TMEM132C: variants seen among roughly 807,000 people sequenced by gnomAD.
TMEM132C encodes transmembrane protein 132C.
TMEM132C carries 29 observed loss-of-function variants against 61.4 expected under a neutral mutation model. The observed-to-expected ratio is 0.47, with a 90% CI of 0.35 to 0.64. The LOEUF is 0.64. TMEM132C is among the 30% of genes least tolerant of loss of function. The pLI, the probability that TMEM132C is intolerant of heterozygous loss-of-function variation, is 0.00. For synonymous variants in TMEM132C, 656 were observed against 633.1 expected (o/e 1.04, Z -0.54); for missense variants, 1,408 against 1,476.9 (o/e 0.95, Z 0.76).
intron 1 of TMEM132C, among the ~76,000 whole-genome samples, chr12:128,284,198 C>G (rs1337987403): frequency 1.3e-5 from 2 of 152,302 alleles, no homozygotes; most frequent in Admixed American, 6.5e-5. Context: ...CAAGTCTACT[C>G]TTACATATCT....
chr12:128,310,664 C>G (rs1274425485), intron 1 of TMEM132C, among the ~76,000 whole-genome samples: 1 of 152,120 alleles, frequency 6.6e-6, no homozygotes, highest in Non-Finnish European at 1.5e-5. Context: ...CACCTCCCAC[C>G]AGACCCCACC....
At chr12:128,670,964 T>G (rs1392924883) in intron 5 of TMEM132C, among the ~76,000 whole-genome samples, 1 of 152,208 alleles carries the variant, frequency 6.6e-6, no homozygotes, top group Non-Finnish European at 1.5e-5. Context: ...ATTCTAATTT[T>G]TTTTAATGGG....
intron 2 of TMEM132C, among the ~76,000 whole-genome samples, chr12:128,442,586 T>TA (rs534900599): frequency 0.031 from 4,417 of 140,732 alleles, 89 homozygotes; most frequent in Non-Finnish European, 0.042. Flanking sequence ...GTCAGTGTTT[T>TA]AAAAAAAAAA....
intron 2 of TMEM132C, among the ~76,000 whole-genome samples, chr12:128,541,630 G>T (rs969431937): frequency 6.6e-6 from 1 of 152,206 alleles, no homozygotes; most frequent in Non-Finnish European, 1.5e-5. Flanking sequence ...TTTATATCAC[G>T]TAGAGACTTT....
chr12:128,541,538 C>A (rs766410918), intron 2 of TMEM132C, among the ~76,000 whole-genome samples: 1 of 152,196 alleles, frequency 6.6e-6, no homozygotes, highest in Non-Finnish European at 1.5e-5. Flanking sequence ...CACAAGAAGA[C>A]ATCACTATTC....
At chr12:128,648,270 A>C (rs1954231005) in intron 4 of TMEM132C, among the ~76,000 whole-genome samples, 1 of 151,026 alleles carries the variant, frequency 6.6e-6, no homozygotes, top group Non-Finnish European at 1.5e-5. Context: ...GGAGTCCATC[A>C]GCGTTGGATA....
chr12:128,535,604 C>G (rs1050058928), intron 2 of TMEM132C, among the ~76,000 whole-genome samples: 2 of 152,168 alleles, frequency 1.3e-5, no homozygotes, highest in African/African-American at 4.8e-5. Flanking sequence ...TGCAGTGGCT[C>G]ACGCCTGTAA....
intron 2 of TMEM132C, among the ~76,000 whole-genome samples, chr12:128,520,236 A>G (rs1352324971): frequency 1.3e-5 from 2 of 152,168 alleles, no homozygotes; most frequent in African/African-American, 4.8e-5. Flanking sequence ...CAGTCCACGT[A>G]TCACCCCTGC....
intron 1 of TMEM132C, among the ~76,000 whole-genome samples, chr12:128,356,989 T>G (rs1362988623): frequency 1.3e-5 from 2 of 152,176 alleles, no homozygotes; most frequent in Non-Finnish European, 2.9e-5. Context: ...TCTCGCTCTC[T>G]CACACACATA....
intron 3 of TMEM132C, among the ~76,000 whole-genome samples, chr12:128,567,103 C>A (rs796137668): frequency 6.6e-6 from 1 of 152,140 alleles, no homozygotes; most frequent in Admixed American, 6.5e-5. Context: ...TAGAAAACAT[C>A]CCAACCCACT....
chr12:128,429,277 A>G (rs916359841), intron 2 of TMEM132C, among the ~76,000 whole-genome samples: 1 of 152,210 alleles, frequency 6.6e-6, no homozygotes, highest in African/African-American at 2.4e-5. Context: ...ACAATGTGCA[A>G]GACAGCCTCC....
At chr12:128,431,974 A>C (rs1422521271) in intron 2 of TMEM132C, among the ~76,000 whole-genome samples, 1 of 152,152 alleles carries the variant, frequency 6.6e-6, no homozygotes, top group Non-Finnish European at 1.5e-5. Flanking sequence ...AGGACCCTTA[A>C]GAATTATGCT....
At chr12:128,702,780 G>C (rs1954812854) in intron 8 of TMEM132C, among the ~76,000 whole-genome samples, 1 of 152,214 alleles carries the variant, frequency 6.6e-6, no homozygotes, top group Non-Finnish European at 1.5e-5. Flanking sequence ...CACAAGCTTT[G>C]CTGCTGTATC....
intron 2 of TMEM132C, among the ~76,000 whole-genome samples, chr12:128,476,682 C>G (rs895337322): frequency 6.6e-6 from 1 of 151,546 alleles, no homozygotes; most frequent in Non-Finnish European, 1.5e-5. Flanking sequence ...CCAGCCTCAG[C>G]TGCACAGTAC....
chr12:128,672,289 C>T (rs1198125160), intron 5 of TMEM132C, among the ~76,000 whole-genome samples: 1 of 152,076 alleles, frequency 6.6e-6, no homozygotes, highest in Non-Finnish European at 1.5e-5. Flanking sequence ...GCCTTTGTCA[C>T]TGATTTGCAA....
chr12:128,682,901 C>T (rs1389521973), intron 5 of TMEM132C, among the ~76,000 whole-genome samples: 1 of 152,206 alleles, frequency 6.6e-6, no homozygotes, highest in Non-Finnish European at 1.5e-5. Context: ...TTGCCTCTTC[C>T]AGCATCTGGA....
intron 1 of TMEM132C, among the ~76,000 whole-genome samples, chr12:128,387,636 C>A (rs1874629484): frequency 6.6e-6 from 1 of 151,940 alleles, no homozygotes; most frequent in Non-Finnish European, 1.5e-5. Context: ...ACGATGAAAC[C>A]CCGTCTCTGC....
intron 2 of TMEM132C, among the ~76,000 whole-genome samples, chr12:128,468,242 G>A (rs1267432781): frequency 6.6e-6 from 1 of 152,120 alleles, no homozygotes; most frequent in Admixed American, 6.5e-5. Flanking sequence ...CCTAGTGAGG[G>A]GTGTGCAGGG....
chr12:128,553,492 G>A (rs144343934), intron 3 of TMEM132C, among the ~76,000 whole-genome samples: 3 of 152,170 alleles, frequency 2.0e-5, no homozygotes, highest in East Asian at 1.9e-4. Flanking sequence ...AATATGTTAC[G>A]TCTCTTTTGT....
Sources: allele counts gnomAD v4.1 joint callset (sites outside exome capture counted in the v4.1 genomes callset), GRCh38; gene constraint gnomAD v4.1.1; transcripts MANE v1.5; gene names NCBI Gene and HGNC (gene_info 2026-07-23, HGNC 2026-07-21).